ZMYM1: variants seen among roughly 807,000 people sequenced by gnomAD.
ZMYM1 encodes the protein zinc finger MYM-type protein 1.
ZMYM1 carries 39 observed loss-of-function variants against 60.0 expected under a neutral mutation model. The ratio of observed to expected loss-of-function variants is 0.65; its 90% confidence interval spans 0.50 to 0.85. ZMYM1 has a LOEUF of 0.85. Among genes scored for constraint, ZMYM1 ranks in the 40% least tolerant of loss-of-function variants. ZMYM1 has a pLI of 0.00. For synonymous variants in ZMYM1, 413 were observed against 454.0 expected (o/e 0.91, Z 1.15); for missense variants, 1,171 against 1,309.5 (o/e 0.89, Z 1.63).
chr1:35,090,059 C>G (rs1421636577), intron 1 of ZMYM1, among the ~76,000 whole-genome samples: 1 of 151,978 alleles, frequency 6.6e-6, no homozygotes, highest in Non-Finnish European at 1.5e-5. Flanking sequence ...ACACCTGCCA[C>G]CACGCCCGGC....
chr1:35,110,343 C>T lies in ZMYM1; in HGVS notation c.857C>T (p.Ser286Leu). 1 of 1,588,230 alleles carries T rather than the reference C, an allele frequency of 6.3e-7. No homozygotes were observed. The highest frequency in any genetic ancestry group is 8.5e-7 in the Non-Finnish European group (1 of 1,169,920). ...ISVPCKPLKP[S>L]DEMIETTSDL... The stretch of plus-strand genomic sequence containing the variant: ...GTTCCTTGCAAACCATTGAAGCCCT[C>T]AGATGAAATGATTGAGACTACGAGT... Residue 286 changes from serine (S) to leucine (L), a missense_variant, in exon 7 of 10, where the codon TCA becomes TTA. Coordinates refer to ENST00000359858, the MANE Select transcript of ZMYM1 (RefSeq NM_024772.5).
Position 35,113,188 on chromosome 1 carries a change from C to T in ZMYM1, c.1358C>T (p.Ser453Leu). The T allele has an allele frequency of 6.2e-7, 1 of 1,613,444 alleles. No individual in the cohort carries two copies. The highest frequency in any genetic ancestry group is 8.5e-7 in the Non-Finnish European group (1 of 1,179,586). The part of the protein sequence containing the change: ...TSKVQKVKGK[S>L]RSIKKSCCAD... Reference sequence around the variant, plus strand: ...AAAGTACAAAAAGTTAAAGGTAAATCACGAAGTATTAAAAAATCTTGTTGT... The same window carrying T: ...AAAGTACAAAAAGTTAAAGGTAAATTACGAAGTATTAAAAAATCTTGTTGT... Residue 453 changes from serine (S) to leucine (L), a missense_variant, in exon 10 of 10, where the codon TCA becomes TTA. By Grantham distance (145) the Ser-to-Leu change is moderately radical. Transcript: ENST00000359858.
Position 35,104,563 on chromosome 1 carries a change from T to A in ZMYM1, c.601T>A (p.Tyr201Asn). The A allele has an allele frequency of 6.2e-7, 1 of 1,614,154 alleles. No homozygotes were observed. Among genetic ancestry groups the A allele is most frequent in the East Asian group, 2.2e-5 (1 of 44,868 alleles). ...SMCQKTAIIQYEVKYQNVKHN... is the reference protein window; with the variant it reads ...SMCQKTAIIQNEVKYQNVKHN... ...TCTTTTTATTAAATCCTAGATTCAGTATGAAGTAAAATACCAAAATGTGAA... is the reference window on the plus strand; with the variant it reads ...TCTTTTTATTAAATCCTAGATTCAGAATGAAGTAAAATACCAAAATGTGAA... Residue 201 changes from tyrosine (Y) to asparagine (N), a missense_variant, in exon 6 of 10, where the codon TAT becomes AAT. Tyr to Asn is a moderately radical substitution (Grantham distance 143). Transcript: ENST00000359858.
intron 4 of ZMYM1, among the ~76,000 whole-genome samples, chr1:35,098,166 C>G (rs1284797757): frequency 6.6e-6 from 1 of 151,972 alleles, no homozygotes; most frequent in Non-Finnish European, 1.5e-5. Context: ...AGGGAGCAAC[C>G]TACTAAAAAA....
chr1:35,079,259 C>T (rs573981409), upstream of ZMYM1: 1 of 152,326 alleles, frequency 6.6e-6, no homozygotes, highest in Non-Finnish European at 1.5e-5. Flanking sequence ...TTCCCCTCCC[C>T]CTCTCCCACT....
At chr1:35,074,535 A>G (rs933108916), upstream of ZMYM1, among the ~76,000 whole-genome samples, 4 of 151,784 alleles carry the variant, frequency 2.6e-5, no homozygotes, top group African/African-American at 2.4e-5. Context: ...CAGCCTCCCA[A>G]GTAGCTGGGA....
intron 1 of ZMYM1, among the ~76,000 whole-genome samples, chr1:35,081,747 A>C (rs1220078846): frequency 1.3e-5 from 2 of 152,020 alleles, no homozygotes; most frequent in Non-Finnish European, 2.9e-5. Context: ...CCAGGCTGGA[A>C]TGCAGTGGCA....
At chr1:35,096,744 A>G (rs6667926) in intron 3 of ZMYM1, among the ~76,000 whole-genome samples, 1,864 of 151,998 alleles carry the variant, frequency 0.012, 47 homozygotes, top group African/African-American at 0.041. Flanking sequence ...CTCTGTTGCC[A>G]GGCTGGAGGG....
Position 35,113,757 on chromosome 1 carries a change from T to C in ZMYM1, c.1927T>C (p.Phe643Leu). The C allele has an allele frequency of 1.9e-6, 3 of 1,613,974 alleles. No homozygotes were observed. Among genetic ancestry groups the C allele is most frequent in the Non-Finnish European group, 2.5e-6 (3 of 1,179,892 alleles). ...GAATGAGATCAATGACTCCTCAGCA[T>C]TTTCAATCATATGTGATGAGACAAT... ...IVNEINDSSAFSIICDETINS... is the reference protein window; with the variant it reads ...IVNEINDSSALSIICDETINS... The change falls in exon 10 of 10, where the codon TTT becomes CTT. Residue 643 changes from phenylalanine (F) to leucine (L), a missense_variant. By Grantham distance (22) the Phe-to-Leu change is conservative. Coordinates refer to ENST00000359858, the MANE Select transcript of ZMYM1 (RefSeq NM_024772.5).
intron 1 of ZMYM1, among the ~76,000 whole-genome samples, chr1:35,063,209 C>T (rs1488794183): frequency 6.6e-6 from 1 of 151,862 alleles, no homozygotes; most frequent in East Asian, 1.9e-4. Context: ...TCACTGCAGC[C>T]TCAGATTCCT....
At position 35,114,269 on chromosome 1, in the gene ZMYM1, T is replaced by G; in HGVS notation, c.2439T>G (p.Asp813Glu). ...CACAATCATGTTGGACAGTCCATGA[T>G]CGTACATTACTATCTGTGATTGACA... is the stretch of plus-strand genomic sequence containing the variant. ...HISQSCWTVH[D>E]RTLLSVIDSL... The change falls in exon 10 of 10, where the codon GAT (aspartate) becomes GAG (glutamate). Residue 813 changes from aspartate to glutamate, a missense_variant. Transcript: ENST00000359858. The G allele has an allele frequency of 6.2e-7, 1 of 1,613,866 alleles. No homozygotes were observed. The highest frequency in any genetic ancestry group is 8.5e-7 in the Non-Finnish European group (1 of 1,179,856).
At chr1:35,083,390 AGTCCTCT>A (rs1351097959) in intron 1 of ZMYM1, among the ~76,000 whole-genome samples, 2 of 151,886 alleles carry the variant, frequency 1.3e-5, no homozygotes, top group Non-Finnish European at 2.9e-5. Flanking sequence ...TGGGCTAAGC[AGTCCTCT>A]GTCCTCTACC....
intron 1 of ZMYM1, among the ~76,000 whole-genome samples, chr1:35,072,212 G>A (rs539601915): frequency 6.6e-6 from 1 of 152,238 alleles, no homozygotes; most frequent in Non-Finnish European, 1.5e-5. Flanking sequence ...TTTTTTTGAT[G>A]GCAGACTTTT....
intron 7 of ZMYM1, 48 bp downstream of exon 7, chr1:35,110,495 A>C: frequency 7.9e-7 from 1 of 1,270,524 alleles, no homozygotes; most frequent in South Asian, 2.9e-5. Flanking sequence ...ATTAATAAAT[A>C]ATATTATTTG....
At chr1:35,118,573 G>A (rs1638554959), downstream of ZMYM1, among the ~76,000 whole-genome samples, 1 of 152,090 alleles carries the variant, frequency 6.6e-6, no homozygotes, top group African/African-American at 2.4e-5. Flanking sequence ...CAGGCGCAGT[G>A]GTGGGTGCCT....
chr1:35,083,365 G>T (rs1399805132), intron 1 of ZMYM1, among the ~76,000 whole-genome samples: 1 of 151,894 alleles, frequency 6.6e-6, no homozygotes, highest in Non-Finnish European at 1.5e-5. Context: ...CTGCCAGGGG[G>T]TGGCCTCGAA....
Position 35,114,546 on chromosome 1 carries a change from G to A in ZMYM1, c.2716G>A (p.Asp906Asn), listed in dbSNP as rs753069390. 1 of 1,610,488 alleles carries A rather than the reference G, an allele frequency of 6.2e-7. No individual in the cohort carries two copies. The highest frequency in any genetic ancestry group is 8.5e-7 in the Non-Finnish European group (1 of 1,178,480). Residue 906 changes from aspartate (D) to asparagine (N), a missense_variant, in exon 10 of 10, where the codon GAC (aspartate) becomes AAC (asparagine). Transcript: ENST00000359858. Reference protein sequence around the residue: ...ILECLSSERNDVYFKTIWDGT... With the variant: ...ILECLSSERNNVYFKTIWDGT... The stretch of plus-strand genomic sequence containing the variant: ...GGAATGTTTATCATCTGAAAGAAAT[G>A]ACGTATACTTTAAAACAATCTGGGA...
At chr1:35,061,783 G>GA (rs926990774) in intron 1 of ZMYM1, among the ~76,000 whole-genome samples, 2 of 147,862 alleles carry the variant, frequency 1.4e-5, no homozygotes, top group Middle Eastern at 3.5e-3. Context: ...GTCAAAAAAA[G>GA]AAAAAAAGAA....
chr1:35,116,009 A>G (rs1023807362), downstream of ZMYM1: 3 of 152,184 alleles, frequency 2.0e-5, no homozygotes, highest in African/African-American at 7.2e-5. Flanking sequence ...AGGAAGGAAG[A>G]TCGCTTGAGG....
Sources: allele counts gnomAD v4.1 joint callset (sites outside exome capture counted in the v4.1 genomes callset), GRCh38; gene constraint gnomAD v4.1.1; transcripts MANE v1.5; gene names NCBI Gene and HGNC (gene_info 2026-07-23, HGNC 2026-07-21).